PRKAG3: variants seen among roughly 807,000 people sequenced by gnomAD.
The protein encoded by PRKAG3 is protein kinase AMP-activated non-catalytic subunit gamma 3.
Under a neutral mutation model 56.5 loss-of-function variants are expected in PRKAG3, and 39 were observed. The observed-to-expected ratio is 0.69, with a 90% CI of 0.53 to 0.90. The LOEUF (loss-of-function observed/expected upper bound fraction) is 0.90. Among genes scored for constraint, PRKAG3 ranks in the 40% least tolerant of loss-of-function variants. The pLI is 0.00. For synonymous variants in PRKAG3, 243 were observed against 250.1 expected, an observed-to-expected ratio of 0.97 and a Z score of 0.27; for missense variants, 628 against 627.5, an observed-to-expected ratio of 1.00 and a Z score of -0.01.
Position 218,828,076 on chromosome 2 carries a change from C to T in PRKAG3, c.716-14G>A, listed in dbSNP as rs367736006. The T allele has an allele frequency of 7.1e-6, 11 of 1,552,812 alleles. No homozygotes were observed. Among genetic ancestry groups the T allele is most frequent in the South Asian group, 4.7e-5 (4 of 84,298 alleles). ...TGGTCAGCATCCCTGCAGGGAGGGGCGGGGAGGAGGTCAGCCCGGGGCCTT... is the reference window on the plus strand; with the variant it reads ...TGGTCAGCATCCCTGCAGGGAGGGGTGGGGAGGAGGTCAGCCCGGGGCCTT... On this transcript the variant is annotated splice_polypyrimidine_tract_variant and intron_variant, in intron 5 of 12. Coordinates refer to ENST00000529249, the Ensembl canonical transcript of PRKAG3.
At position 218,829,966 on chromosome 2, in the gene PRKAG3, C is replaced by A; in HGVS notation, c.633+12G>T. ...GAGAGTGAGTACAGGTTGGGCAGAGCCGTGGCCTCACCTCCAGCATGGTGT... is the reference window on the plus strand; with the variant it reads ...GAGAGTGAGTACAGGTTGGGCAGAGACGTGGCCTCACCTCCAGCATGGTGT... On this transcript the variant is annotated intron_variant, in intron 4 of 12. Transcript: ENST00000529249. The A allele has an allele frequency of 6.2e-7, 1 of 1,611,196 alleles. No homozygotes were observed. The highest frequency in any genetic ancestry group is 1.1e-5 in the South Asian group (1 of 91,020).
exon 4 of PRKAG3, chr2:218,830,338 G>A: frequency 6.2e-7 from 1 of 1,609,796 alleles, no homozygotes; most frequent in Non-Finnish European, 8.5e-7. Flanking sequence ...TGGGGAATGT[G>A]GCCTCCAGCC....
chr2:218,824,585 G>A lies in PRKAG3; in HGVS notation c.1169-9C>T. 1 of 1,609,762 alleles carries A rather than the reference G, an allele frequency of 6.2e-7. No individual in the cohort carries two copies. The highest frequency in any genetic ancestry group is 1.3e-5 in the African/African-American group (1 of 74,930). ...GAGGCCCACGACCTGACCTGCAGAG[G>A]GTGGTTGTGGGGGGTGGGGGGAGAA... On this transcript the variant is annotated splice_polypyrimidine_tract_variant and intron_variant, in intron 10 of 12. Transcript: ENST00000529249.
intron 10 of PRKAG3, among the ~76,000 whole-genome samples, chr2:218,825,680 G>A (rs1360969979): frequency 1.3e-5 from 2 of 151,696 alleles, no homozygotes; most frequent in African/African-American, 4.8e-5. Flanking sequence ...ACATTCTTGA[G>A]GAAATGGAGA....
intron 10 of PRKAG3, among the ~76,000 whole-genome samples, chr2:218,825,327 C>T (rs145167968): frequency 0.032 from 4,403 of 139,554 alleles, 237 homozygotes; most frequent in African/African-American, 0.12. Flanking sequence ...CAGAGCAAGA[C>T]TCTGTCTCAA....
Position 218,823,437 on chromosome 2 carries a change from C to T in PRKAG3, c.*325G>A, listed in dbSNP as rs112836841. On this transcript the variant is annotated 3_prime_UTR_variant, in exon 13 of 13. Coordinates refer to ENST00000529249, the Ensembl canonical transcript of PRKAG3. Reference sequence around the variant, plus strand: ...TCACATCGCAGCCTTAGCTTTTAGCCGGGGCTTTGTCCCTCCCTTCTAGGA... The same window carrying T: ...TCACATCGCAGCCTTAGCTTTTAGCTGGGGCTTTGTCCCTCCCTTCTAGGA... 37 of 374,088 alleles carry T rather than the reference C, an allele frequency of 9.9e-5. 1 individual carries two copies. Among genetic ancestry groups the T allele is most frequent in the Middle Eastern group, 8.8e-4 (1 of 1,134 alleles). 23.2% of individuals were successfully genotyped at this position (374,088 alleles called of 1,614,324 possible). A position where few individuals can be genotyped will look rare whatever the true frequency, so the allele number is the denominator to read the frequency against.
chr2:218,828,671 C>A, intron 4 of PRKAG3, 71 bp from the exon 5 acceptor site: 2 of 1,343,496 alleles, frequency 1.5e-6, no homozygotes, highest in Non-Finnish European at 1.0e-6. Context: ...CCCCTCAGTG[C>A]GCACCTCCCA....
At chr2:218,826,930 C>T in exon 10 of PRKAG3, 1 of 1,614,094 alleles carries the variant, frequency 6.2e-7, no homozygotes, top group East Asian at 2.2e-5. Context: ...GTGGGTACCA[C>T]ATTCGTTGAC....
Position 218,827,874 on chromosome 2 carries a change from T to A in PRKAG3, c.779A>T (p.Gln260Leu), listed in dbSNP as rs41272689. 6.2e-7 allele frequency: 1 copy of A among 1,614,134 alleles called. No individual in the cohort carries two copies. Among genetic ancestry groups the A allele is most frequent in the South Asian group, 1.1e-5 (1 of 91,068 alleles). Residue 260 changes from glutamine (Q) to leucine (L), a missense_variant, in exon 7 of 13, where the codon CAG becomes CTG. Gln to Leu is a moderately radical substitution (Grantham distance 113, BLOSUM62 -2). Coordinates refer to ENST00000529249, the Ensembl canonical transcript of PRKAG3. This position sits in a 1 kb window ranked among gnomAD's most constrained non-coding sequence, Gnocchi z 5.3. Reference sequence around the variant, plus strand: ...CTTATGTTGTTCAATCTCATAGATCTGGACCTAGAGACATCGACAGGACTC... The same window carrying A: ...CTTATGTTGTTCAATCTCATAGATCAGGACCTAGAGACATCGACAGGACTC...
chr2:218,828,485 T>A, intron 5 of PRKAG3, 34 bp downstream of exon 5: 3 of 1,581,048 alleles, frequency 1.9e-6, no homozygotes, highest in Non-Finnish European at 2.6e-6. Flanking sequence ...CCTCACCTCC[T>A]CCATCTCCCT....
chr2:218,830,268 C>G (rs1334844760), exon 4 of PRKAG3: 1 of 1,613,826 alleles, frequency 6.2e-7, no homozygotes. Flanking sequence ...GGGAGGCAGT[C>G]CCACCCTGTT....
rs200090662 is a variant in PRKAG3, at chr2:218,831,716, G to A, written c.33+22C>T. 1,022 of 1,607,878 alleles carry A rather than the reference G, an allele frequency of 6.4e-4. 1 individual carries two copies. Among genetic ancestry groups the A allele is most frequent in the Admixed American group, 1.0e-3 (59 of 59,266 alleles). Reference sequence around the variant, plus strand: ...TTCTGGCCTCAGCTGCCCCGGCTCCGGCTCCCCTGGGACCCCCATACCCTG... The same window carrying A: ...TTCTGGCCTCAGCTGCCCCGGCTCCAGCTCCCCTGGGACCCCCATACCCTG... On this transcript the variant is annotated intron_variant, in intron 1 of 12. Coordinates refer to ENST00000529249, the Ensembl canonical transcript of PRKAG3.
Position 218,827,805 on chromosome 2 carries a change from C to CT in PRKAG3, c.820+27_820+28insA, listed in dbSNP as rs1210104396. On this transcript the variant is annotated intron_variant, in intron 7 of 12. Coordinates refer to ENST00000529249, the Ensembl canonical transcript of PRKAG3. The surrounding 1 kb of genome is among the most constrained non-coding windows in gnomAD (Gnocchi z 5.3). ...AGCCCTGGCCCACCATCACCAACAGCCCTTTCCGGGTTCCTCTCCCCACTC... is the reference window on the plus strand; with the variant it reads ...AGCCCTGGCCCACCATCACCAACAGCTCCTTTCCGGGTTCCTCTCCCCACTC... The CT allele has an allele frequency of 1.4e-6, 2 of 1,459,412 alleles. No individual in the cohort carries two copies. Among genetic ancestry groups the CT allele is most frequent in the African/African-American group, 3.0e-5 (1 of 33,426 alleles). The allele number at this position is 1,459,412 out of a possible 1,614,324, so 90.4% of individuals were successfully genotyped here. A position where few individuals can be genotyped will look rare whatever the true frequency, so the allele number is the denominator to read the frequency against.
chr2:218,825,314 C>T (rs988554032), intron 10 of PRKAG3, among the ~76,000 whole-genome samples: 40 of 136,362 alleles, frequency 2.9e-4, no homozygotes, highest in Admixed American at 2.5e-3. Flanking sequence ...CTAGCCCAGG[C>T]GACAGAGCAA....
At position 218,826,919 on chromosome 2, in the gene PRKAG3, G is replaced by T. The variant is rs1487271965; in HGVS notation, c.1168+9C>A. ...CCCAGCCCGAGCCTCTCATCCTGGG[G>T]GTGGGTACCACATTCGTTGACCACA... On this transcript the variant is annotated intron_variant, in intron 10 of 12. Coordinates refer to ENST00000529249, the Ensembl canonical transcript of PRKAG3. 2 of 1,613,970 alleles carry T rather than the reference G, an allele frequency of 1.2e-6. No individual in the cohort carries two copies. Among genetic ancestry groups the T allele is most frequent in the East Asian group, 2.2e-5 (1 of 44,888 alleles).
rs1395576993 is a variant in PRKAG3, at chr2:218,827,793, C to T, written c.820+40G>A. On this transcript the variant is annotated intron_variant, in intron 7 of 12. Transcript: ENST00000529249. This position sits in a 1 kb window ranked among gnomAD's most constrained non-coding sequence, Gnocchi z 5.3. ...TCCTCCACCTTAAGCCCTGGCCCACCATCACCAACAGCCCTTTCCGGGTTC... is the reference window on the plus strand; with the variant it reads ...TCCTCCACCTTAAGCCCTGGCCCACTATCACCAACAGCCCTTTCCGGGTTC... 2.0e-6 allele frequency: 3 copies of T among 1,498,480 alleles called. No individual in the cohort carries two copies. The Admixed American group carries it at 6.2e-5, about 31-fold the overall frequency. The allele number at this position is 1,498,480 out of a possible 1,614,324, so 92.8% of individuals were successfully genotyped here.
rs1386333706 is a variant in PRKAG3 at position 218,828,565 on chromosome 2, A to G, written c.669T>C (p.Gly223=). Residue 223 remains glycine (G), a synonymous_variant, in exon 5 of 13, where the codon GGT becomes GGC. Transcript: ENST00000529249. The stretch of plus-strand genomic sequence containing the variant: ...TGTCCCATAGAGGGGCTGCCCGCAC[A>G]CCGTTGGCCACCAGAGCAAAGAAGG... The G allele has an allele frequency of 3.1e-6, 5 of 1,613,450 alleles. No homozygotes were observed. The Admixed American group carries it at 8.3e-5, about 27-fold the overall frequency.
At chr2:218,830,606 T>C in intron 3 of PRKAG3, 140 bp downstream of exon 3, 1 of 1,201,574 alleles carries the variant, frequency 8.3e-7, no homozygotes, top group South Asian at 1.5e-5. Context: ...CTCTACTATG[T>C]AGGGAGACTG....
exon 12 of PRKAG3, chr2:218,824,306 C>T (rs368434291): frequency 6.2e-7 from 1 of 1,614,170 alleles, no homozygotes; most frequent in African/African-American, 1.3e-5. Context: ...ATAGTGTCCT[C>T]TGCCTCAGGG....
Sources: gnomAD v4.1 joint callset for allele counts (sites outside exome capture counted in the v4.1 genomes callset) on GRCh38, gnomAD v4.1.1 for gene constraint, Gnocchi (gnomAD v3.1) non-coding constraint, MANE v1.5 for transcripts, NCBI Gene and HGNC (gene_info 2026-07-23, HGNC 2026-07-21) for gene names.